The following NEBL variants were observed in gnomAD, a reference collection of about 807,000 sequenced individuals.
NEBL encodes nebulette, also known as LIM and SH3 protein 2.
In NEBL, 122 loss-of-function variants were observed where a neutral mutation model predicts 140.2. The observed-to-expected ratio is 0.87, with a 90% CI of 0.75 to 1.01. NEBL has a LOEUF of 1.01. Among genes scored for constraint, NEBL ranks in the 50% least tolerant of loss-of-function variants. The pLI is 0.00. For missense variants in NEBL, 1,365 were observed against 1,231.3 expected (o/e 1.11, Z -1.62); for synonymous variants, 436 against 398.9 (o/e 1.09, Z -1.11).
intron 3 of NEBL, among the ~76,000 whole-genome samples, chr10:20,984,125 G>GAA (rs60270033): frequency 1.2e-3 from 172 of 145,382 alleles, no homozygotes; most frequent in South Asian, 3.5e-3. Context: ...AAATGTACCT[G>GAA]AAAAAAAAAA....
intron 2 of NEBL, among the ~76,000 whole-genome samples, chr10:21,067,750 G>A (rs577337231): frequency 6.6e-6 from 1 of 152,240 alleles, no homozygotes; most frequent in East Asian, 1.9e-4. Context: ...GCTGAGGCAG[G>A]CAGATCGCTT....
At chr10:20,979,045 A>G (rs1232563314) in intron 3 of NEBL, among the ~76,000 whole-genome samples, 1 of 152,062 alleles carries the variant, frequency 6.6e-6, no homozygotes, top group Non-Finnish European at 1.5e-5. Flanking sequence ...CTGAATCACC[A>G]TAACTCTGCA....
chr10:20,830,328 T>C (rs1489150152), intron 16 of NEBL, among the ~76,000 whole-genome samples: 2 of 152,256 alleles, frequency 1.3e-5, no homozygotes, highest in East Asian at 1.9e-4. Flanking sequence ...TTCATTTTTT[T>C]CATTCCTTCT....
At chr10:21,147,565 G>C (rs1311443975) in intron 2 of NEBL, among the ~76,000 whole-genome samples, 1 of 152,140 alleles carries the variant, frequency 6.6e-6, no homozygotes, top group African/African-American at 2.4e-5. Flanking sequence ...TCAATGAAGA[G>C]TAGTGTAAGT....
intron 4 of NEBL, among the ~76,000 whole-genome samples, chr10:20,907,162 A>G (rs991509439): frequency 1.3e-5 from 2 of 152,140 alleles, no homozygotes; most frequent in African/African-American, 4.8e-5. Context: ...AACCTTTAAA[A>G]TTACATTTAA....
At chr10:20,863,830 T>C (rs1240644015) in intron 7 of NEBL, among the ~76,000 whole-genome samples, 1 of 152,022 alleles carries the variant, frequency 6.6e-6, no homozygotes, top group Non-Finnish European at 1.5e-5. Context: ...TTAAGAACTG[T>C]AAAGAAGAGG....
intron 3 of NEBL, among the ~76,000 whole-genome samples, chr10:20,988,877 G>A (rs1458548320): frequency 6.6e-6 from 1 of 152,210 alleles, no homozygotes; most frequent in Admixed American, 6.5e-5. Context: ...GAGCAGAGTT[G>A]AACCGACCCT....
chr10:20,938,507 C>A (rs935389726), intron 4 of NEBL, among the ~76,000 whole-genome samples: 3 of 152,148 alleles, frequency 2.0e-5, no homozygotes, highest in Non-Finnish European at 4.4e-5. Flanking sequence ...AGCAGAAAAG[C>A]TGAAAATTCT....
chr10:20,953,346 G>T (rs1835597935), intron 4 of NEBL, among the ~76,000 whole-genome samples: 1 of 152,098 alleles, frequency 6.6e-6, no homozygotes, highest in African/African-American at 2.4e-5. Context: ...CTGCAAGAAG[G>T]CAAGTGTCTG....
chr10:20,875,084 G>A (rs994349812), intron 5 of NEBL, among the ~76,000 whole-genome samples: 11 of 152,130 alleles, frequency 7.2e-5, no homozygotes, highest in African/African-American at 2.2e-4. Flanking sequence ...TGCTTCCAAC[G>A]AATATTTGAA....
intron 2 of NEBL, among the ~76,000 whole-genome samples, chr10:21,148,794 G>T (rs1840019459): frequency 6.6e-6 from 1 of 152,128 alleles, no homozygotes; most frequent in Non-Finnish European, 1.5e-5. Flanking sequence ...CCAAAGTGCT[G>T]GGATTACAGG....
chr10:20,952,329 A>C (rs553539553), intron 4 of NEBL, among the ~76,000 whole-genome samples: 1 of 151,058 alleles, frequency 6.6e-6, no homozygotes, highest in East Asian at 2.0e-4. Context: ...CCCAGCTACT[A>C]GGGAGGCTGA....
intron 2 of NEBL, among the ~76,000 whole-genome samples, chr10:21,057,527 T>TAGCC (rs1835075171): frequency 6.8e-6 from 1 of 147,986 alleles, no homozygotes; most frequent in Admixed American, 6.8e-5. Context: ...TGATACCTAA[T>TAGCC]AGCCAATGAA....
intron 3 of NEBL, among the ~76,000 whole-genome samples, chr10:20,993,035 G>A (rs61849672): frequency 5.3e-5 from 8 of 151,696 alleles, no homozygotes; most frequent in South Asian, 2.1e-4. Context: ...TGCCCGCCTC[G>A]GCCTCCCAAA....
upstream of NEBL, among the ~76,000 whole-genome samples, chr10:21,176,200 G>A (rs762489523): frequency 6.6e-6 from 1 of 151,884 alleles, no homozygotes; most frequent in Non-Finnish European, 1.5e-5. Context: ...ATGGGATCTT[G>A]CGGTGTTGCC....
chr10:20,847,150 AC>A (rs1842024792), intron 11 of NEBL, among the ~76,000 whole-genome samples: 1 of 152,180 alleles, frequency 6.6e-6, no homozygotes, highest in African/African-American at 2.4e-5. Context: ...CTTTATACCT[AC>A]TTCATCAGTC....
intron 2 of NEBL, among the ~76,000 whole-genome samples, chr10:21,161,714 T>C (rs1162480801): frequency 6.6e-6 from 1 of 152,128 alleles, no homozygotes; most frequent in Non-Finnish European, 1.5e-5. Flanking sequence ...TAGGCCCTCA[T>C]TCATGTCCTG....
At chr10:21,053,690 T>C (rs1481337321) in intron 2 of NEBL, among the ~76,000 whole-genome samples, 1 of 152,178 alleles carries the variant, frequency 6.6e-6, no homozygotes, top group African/African-American at 2.4e-5. Flanking sequence ...AAACTTGAGC[T>C]AAACCAACAT....
intron 1 of NEBL, among the ~76,000 whole-genome samples, chr10:21,280,227 G>A (rs151109656): frequency 1.4e-4 from 21 of 152,174 alleles, no homozygotes; most frequent in Non-Finnish European, 2.5e-4. Context: ...CACATGGGCC[G>A]AAGTCACATG....
Sources: gnomAD v4.1 joint callset for allele counts (sites outside exome capture counted in the v4.1 genomes callset) on GRCh38, gnomAD v4.1.1 for gene constraint, MANE v1.5 for transcripts, NCBI Gene and HGNC (gene_info 2026-07-23, HGNC 2026-07-21) for gene names.